Variants in CA10 observed in about 807,000 individuals in gnomAD.
CA10 encodes carbonic anhydrase-related protein 10.
Under a neutral mutation model 44.2 loss-of-function variants are expected in CA10, and 14 were observed. That is an observed-to-expected ratio of 0.32 (90% CI 0.21 to 0.50). The LOEUF (loss-of-function observed/expected upper bound fraction) is 0.50, where lower values mean the gene tolerates loss of function less well. CA10 is among the 20% of genes least tolerant of loss of function. CA10 has a pLI of 0.99. For synonymous variants in CA10, 159 were observed against 141.6 expected (o/e 1.12, Z -0.87); for missense variants, 350 against 409.7 (o/e 0.85, Z 1.26).
In CA10 at chr17:52,055,805, G is replaced by A. The variant is rs573873927; in HGVS notation, c.136+16514C>T. ...CTCTTTTAAATGAGGCATAATTCTGGGCAACTGATATAGTGTTAGAAAGAT... is the reference window on the plus strand; with the variant it reads ...CTCTTTTAAATGAGGCATAATTCTGAGCAACTGATATAGTGTTAGAAAGAT... On this transcript the variant is annotated intron_variant, in intron 2 of 8. Coordinates refer to ENST00000451037, the MANE Select transcript of CA10 (RefSeq NM_020178.5). Among the ~76,000 whole-genome samples, 5 of 152,140 alleles carry A rather than the reference G, an allele frequency of 3.3e-5. No homozygotes were observed. The South Asian group carries it at 1.0e-3, about 32-fold the overall frequency.
intron 1 of CA10, among the ~76,000 whole-genome samples, chr17:52,105,025 G>T (rs112429399): frequency 4.6e-5 from 7 of 152,270 alleles, no homozygotes; most frequent in African/African-American, 1.7e-4. Context: ...TAGACGCTCA[G>T]CTTCCAGGGA....
At chr17:52,004,647 A>G (rs1985538245) in intron 2 of CA10, among the ~76,000 whole-genome samples, 1 of 151,940 alleles carries the variant, frequency 6.6e-6, no homozygotes, top group Admixed American at 6.6e-5. Flanking sequence ...ATTAGTACAC[A>G]TGACATTATC....
At chr17:52,126,931 T>C (rs16951016) in intron 1 of CA10, among the ~76,000 whole-genome samples, 38,945 of 152,136 alleles carry the variant, frequency 0.26, 5,821 homozygotes, top group South Asian at 0.41. Flanking sequence ...GAAAGCTGAC[T>C]AGAAGTGAGG....
intron 1 of CA10, among the ~76,000 whole-genome samples, chr17:52,149,473 A>G (rs529015489): frequency 2.0e-5 from 3 of 152,334 alleles, no homozygotes; most frequent in African/African-American, 4.8e-5. Flanking sequence ...GCTAATAAAC[A>G]GCAATTGTGG....
At chr17:52,154,841 C>T (rs565850939) in intron 1 of CA10, among the ~76,000 whole-genome samples, 1 of 152,150 alleles carries the variant, frequency 6.6e-6, no homozygotes, top group Non-Finnish European at 1.5e-5. Flanking sequence ...TCTCATTTTC[C>T]AACAGTTTCA....
intron 2 of CA10, among the ~76,000 whole-genome samples, chr17:51,998,752 C>T (rs1985324192): frequency 6.6e-6 from 1 of 152,004 alleles, no homozygotes; most frequent in Non-Finnish European, 1.5e-5. Flanking sequence ...AATGCTAGGA[C>T]TCTGGTTTTA....
chr17:51,687,780 G>A (rs1436482425), intron 4 of CA10, among the ~76,000 whole-genome samples: 3 of 152,144 alleles, frequency 2.0e-5, no homozygotes, highest in African/African-American at 7.2e-5. Context: ...TTATTTGGGA[G>A]TTTATTTTAA....
At chr17:51,680,227 G>T (rs1410164412) in intron 4 of CA10, among the ~76,000 whole-genome samples, 1 of 152,234 alleles carries the variant, frequency 6.6e-6, no homozygotes, top group Admixed American at 6.5e-5. Flanking sequence ...CTTGACCAGT[G>T]AGTAGGATCT....
chr17:52,101,127 T>C (rs1988528818), intron 1 of CA10, among the ~76,000 whole-genome samples: 1 of 152,158 alleles, frequency 6.6e-6, no homozygotes, highest in African/African-American at 2.4e-5. Flanking sequence ...GCTGGCAGGA[T>C]TTTTTTGGGT....
intron 4 of CA10, among the ~76,000 whole-genome samples, chr17:51,674,099 C>A (rs922775362): frequency 2.0e-5 from 3 of 152,224 alleles, no homozygotes; most frequent in Admixed American, 2.0e-4. Flanking sequence ...CTATTAAGGC[C>A]TCTACTGCTT....
intron 1 of CA10, among the ~76,000 whole-genome samples, chr17:52,097,546 C>G (rs1988435444): frequency 6.6e-6 from 1 of 152,042 alleles, no homozygotes; most frequent in Admixed American, 6.6e-5. Flanking sequence ...TATTTCTATC[C>G]AGTACACTGG....
At chr17:51,647,297 A>G (rs548211100) in intron 6 of CA10, among the ~76,000 whole-genome samples, 1 of 152,078 alleles carries the variant, frequency 6.6e-6, no homozygotes, top group East Asian at 1.9e-4. Flanking sequence ...GCCTCGTCTT[A>G]GGCACTGAGA....
intron 3 of CA10, among the ~76,000 whole-genome samples, chr17:51,854,287 T>C (rs1048516969): frequency 1.3e-5 from 2 of 152,110 alleles, no homozygotes; most frequent in South Asian, 2.1e-4. Context: ...CTGCTGGACA[T>C]TGTTAATGTT....
chr17:51,822,003 C>A (rs1907820682), intron 3 of CA10, among the ~76,000 whole-genome samples: 1 of 152,196 alleles, frequency 6.6e-6, no homozygotes, highest in African/African-American at 2.4e-5. Context: ...TGACTTCCAG[C>A]ACACACTCAC....
chr17:52,018,179 G>T (rs1986027804), intron 2 of CA10, among the ~76,000 whole-genome samples: 1 of 152,164 alleles, frequency 6.6e-6, no homozygotes, highest in African/African-American at 2.4e-5. Context: ...TAGAGGGGAA[G>T]TGTGGGGTTG....
At chr17:51,986,697 T>C (rs1391749101) in intron 2 of CA10, among the ~76,000 whole-genome samples, 2 of 151,852 alleles carry the variant, frequency 1.3e-5, no homozygotes, top group Admixed American at 6.6e-5. Flanking sequence ...AAGTCGGCTA[T>C]GGACATGAGT....
chr17:51,965,398 T>C (rs1005362779), intron 2 of CA10, among the ~76,000 whole-genome samples: 1 of 151,680 alleles, frequency 6.6e-6, no homozygotes, highest in African/African-American at 2.4e-5. Flanking sequence ...ATCAGCCTAA[T>C]ACTAAAACCT....
chr17:51,879,368 C>T (rs898579710), intron 3 of CA10, among the ~76,000 whole-genome samples: 11 of 152,226 alleles, frequency 7.2e-5, no homozygotes, highest in Middle Eastern at 3.4e-3. Context: ...TTATTTTCTT[C>T]TTCTACTCAT....
intron 1 of CA10, among the ~76,000 whole-genome samples, chr17:52,132,661 A>G (rs1471890555): frequency 2.0e-5 from 3 of 152,212 alleles, no homozygotes; most frequent in Non-Finnish European, 4.4e-5. Context: ...TGGCCATCTG[A>G]GCACACTTGG....
Sources: gnomAD v4.1 joint callset for allele counts (sites outside exome capture counted in the v4.1 genomes callset) on GRCh38, gnomAD v4.1.1 for gene constraint, MANE v1.5 for transcripts, NCBI Gene and HGNC (gene_info 2026-07-23, HGNC 2026-07-21) for gene names.